Variants in NME8 observed in about 807,000 individuals in gnomAD.
The protein encoded by NME8 is NME/NM23 family member 8, also known as protein NME8.
Under a neutral mutation model 82.3 loss-of-function variants are expected in NME8, and 72 were observed. That is an observed-to-expected ratio of 0.87 (90% CI 0.72 to 1.06). The LOEUF (loss-of-function observed/expected upper bound fraction) is 1.06, where lower values mean the gene tolerates loss of function less well. NME8 is among the 50% of genes least tolerant of loss of function. The probability of loss-of-function intolerance (pLI) is 0.00; values close to 1 mark genes in which losing one functional copy is unlikely to be tolerated. For missense variants in NME8, 712 were observed against 685.4 expected (o/e 1.04, Z -0.43); for synonymous variants, 267 against 228.5 (o/e 1.17, Z -1.52).
At chr7:37,877,579 C>A (rs768726839) in intron 12 of NME8, among the ~76,000 whole-genome samples, 9 of 152,066 alleles carry the variant, frequency 5.9e-5, no homozygotes, top group Admixed American at 2.0e-4. Context: ...GCCTTTTATT[C>A]TCTGACTTGT....
rs780087249 is a variant in NME8, at chr7:37,864,338, T to A, written c.455-10T>A. On this transcript the variant is annotated splice_polypyrimidine_tract_variant and intron_variant, in intron 8 of 17. Coordinates refer to ENST00000199447, the MANE Select transcript of NME8 (RefSeq NM_016616.5). ...AATGAAATTCTGTCTTTTTCTAAATTTTTTTCCAGAGGAATTATACAGTAT... is the reference window on the plus strand; with the variant it reads ...AATGAAATTCTGTCTTTTTCTAAATATTTTTCCAGAGGAATTATACAGTAT... 1 of 1,593,468 alleles carries A rather than the reference T, an allele frequency of 6.3e-7. No homozygotes were observed. The highest frequency in any genetic ancestry group is 1.1e-5 in the South Asian group (1 of 90,426).
chr7:37,885,603 A>G (rs1381592291), intron 14 of NME8, among the ~76,000 whole-genome samples: 1 of 152,198 alleles, frequency 6.6e-6, no homozygotes, highest in Non-Finnish European at 1.5e-5. Flanking sequence ...TCTTTAACTG[A>G]TCATGAGTTT....
chr7:37,879,498 G>C (rs1784910504), intron 12 of NME8, among the ~76,000 whole-genome samples: 1 of 152,052 alleles, frequency 6.6e-6, no homozygotes, highest in South Asian at 2.1e-4. Context: ...TGCATTTTGT[G>C]TTCCTCCATG....
intron 6 of NME8, among the ~76,000 whole-genome samples, chr7:37,860,799 T>TCCTCCC (rs1339092542): frequency 2.0e-5 from 3 of 152,156 alleles, no homozygotes; most frequent in African/African-American, 7.2e-5. Flanking sequence ...TACCAGATCT[T>TCCTCCC]CCTCCCCACA....
intron 14 of NME8, among the ~76,000 whole-genome samples, chr7:37,887,791 C>T (rs1054952930): frequency 2.6e-5 from 4 of 152,132 alleles, no homozygotes; most frequent in African/African-American, 7.2e-5. Context: ...GGTACCTCTT[C>T]ACAGGGTGGC....
chr7:37,877,118 C>T (rs531006304), intron 12 of NME8, 111 bp downstream of exon 12: 121 of 864,700 alleles, frequency 1.4e-4, no homozygotes, highest in Middle Eastern at 7.0e-4. Flanking sequence ...TTGAAGAAAA[C>T]GCACCTTAAG....
At chr7:37,877,264 G>T (rs1185776679) in intron 12 of NME8, among the ~76,000 whole-genome samples, 3 of 152,110 alleles carry the variant, frequency 2.0e-5, no homozygotes, top group African/African-American at 7.2e-5. Flanking sequence ...ACATAATAAA[G>T]ATTTAAAGCT....
At position 37,876,944 on chromosome 7, in the gene NME8, A is replaced by G. The variant is rs1246792641; in HGVS notation, c.931A>G (p.Lys311Glu). ...TTTCTTCCCCGATTTTAAAAAAATG[A>G]AAAGCATGAAATTAGAAAAGACATT... ...DAFFPDFKKM[K>E]SMKLEKTLAL... Residue 311 changes from lysine to glutamate, a missense_variant, in exon 12 of 18, where the codon AAA becomes GAA. Coordinates refer to ENST00000199447, the MANE Select transcript of NME8 (RefSeq NM_016616.5). 1.2e-6 allele frequency: 2 copies of G among 1,613,248 alleles called. No homozygotes were observed. The highest frequency in any genetic ancestry group is 2.2e-5 in the East Asian group (1 of 44,706).
At chr7:37,888,851 A>G (rs1785083688) in intron 15 of NME8, among the ~76,000 whole-genome samples, 1 of 151,448 alleles carries the variant, frequency 6.6e-6, no homozygotes, top group African/African-American at 2.4e-5. Flanking sequence ...CTATTTGCTT[A>G]TATTTTACTT....
intron 5 of NME8, among the ~76,000 whole-genome samples, chr7:37,851,732 A>G (rs568560504): frequency 1.3e-5 from 2 of 152,222 alleles, no homozygotes; most frequent in South Asian, 4.1e-4. Context: ...TATTTATATT[A>G]TATAGAAAAG....
intron 7 of NME8, among the ~76,000 whole-genome samples, chr7:37,862,954 TA>T (rs1784619498): frequency 6.6e-6 from 1 of 152,014 alleles, no homozygotes; most frequent in Non-Finnish European, 1.5e-5. Flanking sequence ...ACACCGTCTC[TA>T]CTAAAAATAC....
intron 10 of NME8, 125 bp from the exon 11 acceptor site, chr7:37,867,577 G>A: frequency 1.4e-6 from 1 of 735,658 alleles, no homozygotes; most frequent in Admixed American, 2.0e-5. Flanking sequence ...AGATTTATAA[G>A]AGTAACATTC....
intron 11 of NME8, among the ~76,000 whole-genome samples, chr7:37,870,229 T>C (rs923677429): frequency 4.8e-5 from 6 of 125,554 alleles, no homozygotes; most frequent in Non-Finnish European, 8.3e-5. Flanking sequence ...CTAACACTAA[T>C]GATAGCTGAT....
At chr7:37,887,605 C>T (rs1785063795) in intron 14 of NME8, among the ~76,000 whole-genome samples, 1 of 152,130 alleles carries the variant, frequency 6.6e-6, no homozygotes, top group African/African-American at 2.4e-5. Context: ...GCAAGTAGTG[C>T]AACAAGGATT....
At chr7:37,878,167 T>G (rs577164696) in intron 12 of NME8, among the ~76,000 whole-genome samples, 1 of 152,324 alleles carries the variant, frequency 6.6e-6, no homozygotes, top group East Asian at 1.9e-4. Flanking sequence ...AGAATTTTTA[T>G]CAGGAAAGGA....
intron 17 of NME8, among the ~76,000 whole-genome samples, chr7:37,897,670 C>T (rs1785250971): frequency 6.6e-6 from 1 of 151,906 alleles, no homozygotes; most frequent in Non-Finnish European, 1.5e-5. Context: ...CCCCTCACCC[C>T]CCACCCCCCA....
At position 37,867,831 on chromosome 7, in the gene NME8, CGATCT is replaced by C. The variant is rs1784710320; in HGVS notation, c.754_758del (p.Ser252GlyfsTer4). The C allele has an allele frequency of 6.2e-7, 1 of 1,613,860 alleles. No homozygotes were observed. ...ACAGACTGACACCGAACCTAACGAA[CGATCT>C]GAGGATCAACCTGAGGTCGAAGCCC... is the stretch of plus-strand genomic sequence containing the variant. On this transcript the variant is annotated frameshift_variant, in exon 11 of 18. Transcript: ENST00000199447. LOFTEE classifies it high-confidence loss of function.
At chr7:37,854,280 A>G (rs1031548721) in intron 5 of NME8, among the ~76,000 whole-genome samples, 1 of 152,268 alleles carries the variant, frequency 6.6e-6, no homozygotes, top group Non-Finnish European at 1.5e-5. Context: ...CTATGCATTA[A>G]GTGGAAGTGG....
chr7:37,881,237 G>A (rs893204242), intron 12 of NME8, among the ~76,000 whole-genome samples: 1 of 151,932 alleles, frequency 6.6e-6, no homozygotes, highest in South Asian at 2.1e-4. Context: ...TTTTTTTTCC[G>A]ATCTTAGAGG....
Sources: gnomAD v4.1 joint callset for allele counts (sites outside exome capture counted in the v4.1 genomes callset) on GRCh38, gnomAD v4.1.1 for gene constraint, MANE v1.5 for transcripts, NCBI Gene and HGNC (gene_info 2026-07-23, HGNC 2026-07-21) for gene names.